The following USP7 variants were observed in gnomAD, a reference collection of about 807,000 sequenced individuals.
USP7 encodes ubiquitin specific peptidase 7, also known as ubiquitin C-terminal hydrolase 7.
In USP7, 9 loss-of-function variants were observed where a neutral mutation model predicts 162.9. The observed-to-expected ratio is 0.06, with a 90% CI of 0.03 to 0.10. USP7 has a LOEUF of 0.10. Among genes scored for constraint, USP7 ranks in the 10% least tolerant of loss-of-function variants. The pLI, the probability that USP7 is intolerant of heterozygous loss-of-function variation, is 1.00. For synonymous variants in USP7, 562 were observed against 475.9 expected (o/e 1.18, Z -2.35); for missense variants, 715 against 1,373.7 (o/e 0.52, Z 7.58).
chr16:8,894,473 C>A, intron 30 of USP7, 77 bp downstream of exon 30: 1 of 1,467,408 alleles, frequency 6.8e-7, no homozygotes, highest in Non-Finnish European at 9.3e-7. Flanking sequence ...GACCCTGGGG[C>A]TGCCCCTCCC....
chr16:8,930,973 TAAAAAAAA>T (rs35685543), intron 1 of USP7, among the ~76,000 whole-genome samples: 2 of 143,614 alleles, frequency 1.4e-5, no homozygotes, highest in African/African-American at 2.6e-5. Context: ...AGTCTCAAAT[TAAAAAAAA>T]AAAAAAAATC....
chr16:8,962,516 C>T, intron 1 of USP7: 1 of 450,232 alleles, frequency 2.2e-6, no homozygotes, highest in Non-Finnish European at 4.5e-6. Context: ...CAGCCATGTG[C>T]GGCAGGGCTT....
chr16:8,945,014 G>A (rs1042007760), intron 1 of USP7, among the ~76,000 whole-genome samples: 2 of 152,200 alleles, frequency 1.3e-5, no homozygotes, highest in East Asian at 1.9e-4. Context: ...CACTTTGGGA[G>A]ACCAAGGCAG....
intron 2 of USP7, among the ~76,000 whole-genome samples, chr16:8,923,955 T>C (rs1309321696): frequency 1.3e-5 from 2 of 152,170 alleles, no homozygotes; most frequent in African/African-American, 2.4e-5. Flanking sequence ...GCTAACCTCA[T>C]TGGTTCACGA....
At chr16:8,943,955 T>C (rs1452364302) in intron 1 of USP7, among the ~76,000 whole-genome samples, 1 of 152,204 alleles carries the variant, frequency 6.6e-6, no homozygotes, top group African/African-American at 2.4e-5. Flanking sequence ...TCTACAATAA[T>C]TGGGTTTTAA....
chr16:8,902,570 C>CAT (rs962811253), intron 16 of USP7, 88 bp from the exon 17 acceptor site: 1,175 of 965,578 alleles, frequency 1.2e-3, no homozygotes, highest in African/African-American at 4.9e-3. Flanking sequence ...TATACATATA[C>CAT]ATATATATAT....
At position 8,909,093 on chromosome 16, in the gene USP7, C is replaced by T. The variant is rs979930895; in HGVS notation, c.1162-643G>A. Among the ~76,000 whole-genome samples, 5 of 152,318 alleles carry T rather than the reference C, an allele frequency of 3.3e-5. No individual in the cohort carries two copies. The East Asian group carries it at 5.8e-4, about 18-fold the overall frequency. On this transcript the variant is annotated intron_variant, in intron 11 of 30. Transcript: ENST00000344836. Reference sequence around the variant, plus strand: ...TGCCGGACTCTGTGGGACAGGACACCCCAACTTCTCAACAAGCCTTCTATG... The same window carrying T: ...TGCCGGACTCTGTGGGACAGGACACTCCAACTTCTCAACAAGCCTTCTATG...
chr16:8,908,252 A>G (rs1242688780), intron 12 of USP7, 89 bp downstream of exon 12: 1 of 1,082,324 alleles, frequency 9.2e-7, no homozygotes, highest in East Asian at 2.4e-5. Context: ...TGTGGGACTG[A>G]AAATATAAAG....
chr16:8,906,019 A>G (rs762232440), intron 13 of USP7, among the ~76,000 whole-genome samples: 8 of 152,066 alleles, frequency 5.3e-5, no homozygotes, highest in Non-Finnish European at 7.4e-5. Context: ...CTACACTCCC[A>G]AGAGTGGTGG....
At chr16:8,952,676 T>A (rs1338148880) in intron 1 of USP7, among the ~76,000 whole-genome samples, 1 of 152,172 alleles carries the variant, frequency 6.6e-6, no homozygotes, top group Non-Finnish European at 1.5e-5. Context: ...CCCTTTGCCA[T>A]GTAACGTAAC....
intron 1 of USP7, among the ~76,000 whole-genome samples, chr16:8,932,447 C>T (rs1435072207): frequency 6.6e-6 from 1 of 152,088 alleles, no homozygotes; most frequent in Non-Finnish European, 1.5e-5. Context: ...TATACACATA[C>T]TTCTAAACTA....
At chr16:8,919,286 C>G (rs769964073) in intron 5 of USP7, 147 bp from the exon 6 acceptor site, 1 of 744,472 alleles carries the variant, frequency 1.3e-6, no homozygotes, top group Non-Finnish European at 2.3e-6. Flanking sequence ...GTCACCGATT[C>G]CCTTCTGCTT....
intron 13 of USP7, among the ~76,000 whole-genome samples, chr16:8,905,943 GTGC>G (rs2061852813): frequency 1.3e-5 from 2 of 152,160 alleles, no homozygotes; most frequent in Non-Finnish European, 2.9e-5. Context: ...CAGGAGCTCG[GTGC>G]TGGCCCTGTG....
intron 1 of USP7, among the ~76,000 whole-genome samples, chr16:8,955,439 A>G (rs1231427385): frequency 6.6e-6 from 1 of 151,642 alleles, no homozygotes; most frequent in Non-Finnish European, 1.5e-5. Context: ...TAGCAATTGC[A>G]TGGCCAGGCG....
At chr16:8,957,010 G>A (rs953446010) in intron 1 of USP7, among the ~76,000 whole-genome samples, 7 of 152,166 alleles carry the variant, frequency 4.6e-5, no homozygotes, top group Non-Finnish European at 8.8e-5. Context: ...CTCTGTCTCA[G>A]GAGTGTCATC....
chr16:8,911,328 T>G (rs1343806479), intron 10 of USP7, among the ~76,000 whole-genome samples: 1 of 151,984 alleles, frequency 6.6e-6, no homozygotes, highest in African/African-American at 2.4e-5. Context: ...AAAGGCAAAA[T>G]AGTAAAACGT....
chr16:8,931,015 T>A (rs1049204589), intron 1 of USP7, among the ~76,000 whole-genome samples: 18 of 151,612 alleles, frequency 1.2e-4, no homozygotes, highest in African/African-American at 4.4e-4. Flanking sequence ...TACTTTACAA[T>A]AGCTAATCAG....
intron 22 of USP7, 40 bp from the exon 23 acceptor site, chr16:8,899,228 T>C (rs758999125): frequency 2.5e-5 from 40 of 1,605,766 alleles, no homozygotes; most frequent in Admixed American, 2.2e-4. Context: ...TGGGGAAAAA[T>C]TGAAACTTGG....
At chr16:8,899,556 GT>G in intron 22 of USP7, 47 bp downstream of exon 22, 1 of 1,594,854 alleles carries the variant, frequency 6.3e-7, no homozygotes, top group Non-Finnish European at 8.6e-7. Context: ...AAAGAAATTT[GT>G]CTTTCTGGAG....
Sources: gnomAD v4.1 joint callset for allele counts (sites outside exome capture counted in the v4.1 genomes callset) on GRCh38, gnomAD v4.1.1 for gene constraint, MANE v1.5 for transcripts, NCBI Gene and HGNC (gene_info 2026-07-23, HGNC 2026-07-21) for gene names.